Variants in GABBR1 observed in about 807,000 individuals in gnomAD.
GABBR1 encodes the protein gamma-aminobutyric acid type B receptor subunit 1, also known as GABA-B receptor, R1 subunit.
A neutral mutation model predicts 117.7 loss-of-function variants in GABBR1; 35 were observed. The ratio of observed to expected loss-of-function variants is 0.30; its 90% CI spans 0.23 to 0.39. The LOEUF is 0.39. GABBR1 is among the 10% of genes least tolerant of loss of function. GABBR1 has a pLI of 1.00. For synonymous variants in GABBR1, 442 were observed against 486.6 expected, an observed-to-expected ratio of 0.91 and a Z score of 1.21; for missense variants, 709 against 1,241.8, an observed-to-expected ratio of 0.57 and a Z score of 6.45.
Position 29,621,709 on chromosome 6 carries a change from A to C in GABBR1, c.1131+43T>G, listed in dbSNP as rs1369217424. The C allele has an allele frequency of 6.3e-7, 1 of 1,574,822 alleles. No homozygotes were observed. Among genetic ancestry groups the C allele is most frequent in the Non-Finnish European group, 8.7e-7 (1 of 1,144,788 alleles). Reference sequence around the variant, plus strand: ...GGAGGCCCCACAAGAAAACCAAGGGAAACTCCCACCCAGTGCCCCTCCCTC... The same window carrying C: ...GGAGGCCCCACAAGAAAACCAAGGGCAACTCCCACCCAGTGCCCCTCCCTC... On this transcript the variant is annotated intron_variant, in intron 10 of 22. Coordinates refer to ENST00000377034, the MANE Select transcript of GABBR1 (RefSeq NM_001470.4). The surrounding 1 kb of genome is among the most constrained non-coding windows in gnomAD (Gnocchi z 5.0).
Position 29,611,638 on chromosome 6 carries a change from G to A in GABBR1, c.1631-637C>T, listed in dbSNP as rs1477561523. ...GAGGAGCTGAAAGGATGTGGAGGTG[G>A]GGAGAAAGGAAGAAAGAAACTTTTC... is the stretch of plus-strand genomic sequence containing the variant. On this transcript the variant is annotated intron_variant, in intron 13 of 22. Transcript: ENST00000377034. The surrounding 1 kb of genome is among the most constrained non-coding windows in gnomAD (Gnocchi z 4.6). Among the ~76,000 whole-genome samples, 1 of 152,146 alleles carries A rather than the reference G, an allele frequency of 6.6e-6. No homozygotes were observed. The highest frequency in any genetic ancestry group is 1.5e-5 in the Non-Finnish European group (1 of 68,036).
intron 15 of GABBR1, among the ~76,000 whole-genome samples, 164 bp from the exon 16 acceptor site, chr6:29,608,897 A>C (rs1442232680): frequency 6.6e-6 from 1 of 152,206 alleles, no homozygotes; most frequent in Non-Finnish European, 1.5e-5. Flanking sequence ...AGGCAGAGCA[A>C]TGCAGTCATG....
Position 29,606,703 on chromosome 6 carries a change from A to C in GABBR1, c.2217+194T>G. 1.6e-6 allele frequency: 1 copy of C among 631,346 alleles called. No individual in the cohort carries two copies. Among genetic ancestry groups the C allele is most frequent in the South Asian group, 2.0e-5 (1 of 51,054 alleles). The allele number at this position is 631,346 out of a possible 1,614,324, so 39.1% of individuals were successfully genotyped here. On this transcript the variant is annotated intron_variant, in intron 18 of 22. Coordinates refer to ENST00000377034, the MANE Select transcript of GABBR1 (RefSeq NM_001470.4). The surrounding 1 kb of genome is among the most constrained non-coding windows in gnomAD (Gnocchi z 4.5). ...TTCTACACACCCTTCCCAGATTCCC[A>C]CCCCTTCCTTTCTTCAGCTGAATCT...
Position 29,605,045 on chromosome 6 carries a change from G to A in GABBR1, c.2440-57C>T, listed in dbSNP as rs532476879. 32 of 1,534,990 alleles carry A rather than the reference G, an allele frequency of 2.1e-5. No individual in the cohort carries two copies. The East Asian group carries it at 2.9e-4, about 14-fold the overall frequency. ...GGTCTGCAGGCTCAGACAAGATCCA[G>A]AGTTTACTTCCCATGGGAGGGAGTC... is the stretch of plus-strand genomic sequence containing the variant. On this transcript the variant is annotated intron_variant, in intron 20 of 22. Coordinates refer to ENST00000377034, the MANE Select transcript of GABBR1 (RefSeq NM_001470.4). This position sits in a 1 kb window ranked among gnomAD's most constrained non-coding sequence, Gnocchi z 4.2.
In GABBR1 at chr6:29,622,684, G is replaced by A. The variant is rs1011849165; in HGVS notation, c.964-479C>T. On this transcript the variant is annotated intron_variant, in intron 8 of 22. Coordinates refer to ENST00000377034, the MANE Select transcript of GABBR1 (RefSeq NM_001470.4). This position sits in a 1 kb window ranked among gnomAD's most constrained non-coding sequence, Gnocchi z 4.6. ...AAGACCCAAAGAATAGAATAAAAGG[G>A]AGGGAGCAGACTGCCTTCTTCAGAT... 2 of 164,874 alleles carry A rather than the reference G, an allele frequency of 1.2e-5. No homozygotes were observed. The highest frequency in any genetic ancestry group is 4.8e-5 in the African/African-American group (2 of 41,652). 10.2% of individuals were successfully genotyped at this position (164,874 alleles called of 1,614,324 possible).
At position 29,630,541 on chromosome 6, in the gene GABBR1, C is replaced by T. The variant is rs781124534; in HGVS notation, c.392G>A (p.Cys131Tyr). 1 of 1,613,116 alleles carries T rather than the reference C, an allele frequency of 6.2e-7. No homozygotes were observed. The highest frequency in any genetic ancestry group is 8.5e-7 in the Non-Finnish European group (1 of 1,180,044). The change falls in exon 4 of 23, where the codon TGT becomes TAT. Residue 131 changes from cysteine (C) to tyrosine (Y), a missense_variant. Physicochemically the swap from Cys to Tyr is radical, Grantham distance 194. Around this residue, in one of 9 missense-constraint regions of GABBR1, gnomAD observed 101 missense variants for 132.3 expected, o/e 0.76. Coordinates refer to ENST00000377034, the MANE Select transcript of GABBR1 (RefSeq NM_001470.4). The surrounding 1 kb of genome is among the most constrained non-coding windows in gnomAD (Gnocchi z 4.9). Reference protein sequence around the residue: ...ALDGARVDFRCDPDFHLVGSS... With the variant: ...ALDGARVDFRYDPDFHLVGSS... ...GCCCACCAGATGGAAGTCGGGGTCA[C>T]ACCGGAAATCCACCCGGGCTCCGTC...
At chr6:29,618,318 G>T (rs1327975492) in intron 11 of GABBR1, among the ~76,000 whole-genome samples, 2 of 152,260 alleles carry the variant, frequency 1.3e-5, no homozygotes, top group East Asian at 3.9e-4. Context: ...CTAACCACTG[G>T]GGGCACCACT....
intron 22 of GABBR1, 100 bp from the exon 23 acceptor site, chr6:29,603,816 G>T: frequency 1.1e-6 from 1 of 914,412 alleles, no homozygotes; most frequent in East Asian, 2.9e-5. Flanking sequence ...GAGAGGAAGG[G>T]CACAGAAAAA....
rs757961504 is a variant in GABBR1, at chr6:29,631,493, C to T, written c.192G>A (p.Glu64=). 21 of 1,614,226 alleles carry T rather than the reference C, an allele frequency of 1.3e-5. No homozygotes were observed. Among genetic ancestry groups the T allele is most frequent in the Admixed American group, 3.3e-5 (2 of 60,026 alleles). The change falls in exon 3 of 23, where the codon GAG becomes GAA. Residue 64 remains glutamate, a synonymous_variant. Coordinates refer to ENST00000377034, the MANE Select transcript of GABBR1 (RefSeq NM_001470.4). The surrounding 1 kb of genome is among the most constrained non-coding windows in gnomAD (Gnocchi z 5.9). ...INFLPVDYEI[E]YVCRGEREVV... ...CCTCGCGCTCCCCCCGGCACACATA[C>T]TCAATCTCATAGTCCACTGGCAGGA... is the stretch of plus-strand genomic sequence containing the variant.
chr6:29,627,465 C>T lies in GABBR1; in HGVS notation c.657+21G>A, dbSNP rs753515148. The stretch of plus-strand genomic sequence containing the variant: ...GCCCCGCAAGCCCCCACCTCCCACC[C>T]ACCCCCATGTCCAGGGCTACCTTGC... On this transcript the variant is annotated intron_variant, in intron 6 of 22. Transcript: ENST00000377034. The surrounding 1 kb of genome is among the most constrained non-coding windows in gnomAD (Gnocchi z 4.4). 1 of 1,546,982 alleles carries T rather than the reference C, an allele frequency of 6.5e-7. No individual in the cohort carries two copies. Among genetic ancestry groups the T allele is most frequent in the Non-Finnish European group, 8.8e-7 (1 of 1,140,380 alleles).
intron 6 of GABBR1, 83 bp from the exon 7 acceptor site, chr6:29,624,107 A>G: frequency 7.6e-7 from 1 of 1,309,552 alleles, no homozygotes; most frequent in East Asian, 2.5e-5. Flanking sequence ...TTCTCGAACA[A>G]ATTAGTTCCT....
At position 29,609,113 on chromosome 6, in the gene GABBR1, A is replaced by G; in HGVS notation, c.1859+116T>C. ...TTTTCATTCTCAACAAGTCAGAATG[A>G]AAAACTCCATGATACATGGCCATGG... On this transcript the variant is annotated intron_variant, in intron 15 of 22. Coordinates refer to ENST00000377034, the MANE Select transcript of GABBR1 (RefSeq NM_001470.4). This position sits in a 1 kb window ranked among gnomAD's most constrained non-coding sequence, Gnocchi z 4.3. 1 of 1,026,776 alleles carries G rather than the reference A, an allele frequency of 9.7e-7. No individual in the cohort carries two copies. Among genetic ancestry groups the G allele is most frequent in the Non-Finnish European group, 1.4e-6 (1 of 702,940 alleles). 63.6% of individuals were successfully genotyped at this position (1,026,776 alleles called of 1,614,324 possible). A position where few individuals can be genotyped will look rare whatever the true frequency, so the allele number is the denominator to read the frequency against.
At chr6:29,618,190 A>G (rs1244107235) in intron 11 of GABBR1, among the ~76,000 whole-genome samples, 4 of 152,164 alleles carry the variant, frequency 2.6e-5, no homozygotes, top group Non-Finnish European at 5.9e-5. Context: ...AGTTCAAGGT[A>G]AATATGGCAT....
chr6:29,606,810 C>T lies in GABBR1; in HGVS notation c.2217+87G>A. Reference sequence around the variant, plus strand: ...AGGCACTCTCTCCAAGTAGCTTCATCCCTCAAGACACACACAGCCCCAGGG... The same window carrying T: ...AGGCACTCTCTCCAAGTAGCTTCATTCCTCAAGACACACACAGCCCCAGGG... On this transcript the variant is annotated intron_variant, in intron 18 of 22. Coordinates refer to ENST00000377034, the MANE Select transcript of GABBR1 (RefSeq NM_001470.4). This position sits in a 1 kb window ranked among gnomAD's most constrained non-coding sequence, Gnocchi z 4.5. The T allele has an allele frequency of 1.8e-6, 2 of 1,084,834 alleles. No homozygotes were observed. The highest frequency in any genetic ancestry group is 2.8e-6 in the Non-Finnish European group (2 of 724,718). The allele number at this position is 1,084,834 out of a possible 1,614,324, so 67.2% of individuals were successfully genotyped here. A position where few individuals can be genotyped will look rare whatever the true frequency, so the allele number is the denominator to read the frequency against.
Position 29,627,681 on chromosome 6 carries a change from C to T in GABBR1, c.497-35G>A. 1 of 1,535,074 alleles carries T rather than the reference C, an allele frequency of 6.5e-7. No homozygotes were observed. Among genetic ancestry groups the T allele is most frequent in the Non-Finnish European group, 8.7e-7 (1 of 1,145,770 alleles). ...GGTGCGGGGGGACCCGCGAGTGAGG[C>T]CGCGGGAGATGGGGGGAGTGGGAGG... On this transcript the variant is annotated intron_variant, in intron 5 of 22. Coordinates refer to ENST00000377034, the MANE Select transcript of GABBR1 (RefSeq NM_001470.4). The surrounding 1 kb of genome is among the most constrained non-coding windows in gnomAD (Gnocchi z 4.4).
chr6:29,613,493 G>A lies in GABBR1; in HGVS notation c.1324-8C>T, dbSNP rs559182272. Reference sequence around the variant, plus strand: ...CACAAATTCCTGGGATGTCTTGGGAGGAAAAAATCATGAGGAAAGAACTGA... The same window carrying A: ...CACAAATTCCTGGGATGTCTTGGGAAGAAAAAATCATGAGGAAAGAACTGA... On this transcript the variant is annotated splice_polypyrimidine_tract_variant and splice_region_variant and intron_variant, in intron 11 of 22. Transcript: ENST00000377034. This position sits in a 1 kb window ranked among gnomAD's most constrained non-coding sequence, Gnocchi z 4.1. The A allele has an allele frequency of 1.1e-5, 17 of 1,610,176 alleles. No individual in the cohort carries two copies. In the East Asian group the frequency reaches 2.0e-4, roughly 19 times the overall value.
chr6:29,615,608 T>TAAAAAA lies in GABBR1; in HGVS notation c.1324-2124_1324-2123insTTTTTT, dbSNP rs767969781. ...TGGGCGATGGAGTGAGACTCTGCCT[T>TAAAAAA]TAAAAAAAAAAAAAAAAAAAGGCAG... On this transcript the variant is annotated intron_variant, in intron 11 of 22. Coordinates refer to ENST00000377034, the MANE Select transcript of GABBR1 (RefSeq NM_001470.4). Among the ~76,000 whole-genome samples, 933 of 126,950 alleles carry TAAAAAA rather than the reference T, an allele frequency of 7.3e-3. 25 individuals are homozygous for TAAAAAA. The highest frequency in any genetic ancestry group is 0.055 in the South Asian group (188 of 3,394). The allele number at this position is 126,950 out of a possible 152,430, so 83.3% of individuals were successfully genotyped here. A position where few individuals can be genotyped will look rare whatever the true frequency, so the allele number is the denominator to read the frequency against.
intron 5 of GABBR1, chr6:29,628,258 G>A (rs1373550185): frequency 2.2e-6 from 2 of 889,838 alleles, no homozygotes; most frequent in Non-Finnish European, 2.7e-6. Flanking sequence ...TCACTTAAGG[G>A]GACCCGAGGG....
At position 29,609,101 on chromosome 6, in the gene GABBR1, C is replaced by G. The variant is rs1165792490; in HGVS notation, c.1859+128G>C. 2 of 904,638 alleles carry G rather than the reference C, an allele frequency of 2.2e-6. No individual in the cohort carries two copies. The highest frequency in any genetic ancestry group is 3.3e-6 in the Non-Finnish European group (2 of 597,770). 56.0% of individuals were successfully genotyped at this position (904,638 alleles called of 1,614,324 possible). A position where few individuals can be genotyped will look rare whatever the true frequency, so the allele number is the denominator to read the frequency against. On this transcript the variant is annotated intron_variant, in intron 15 of 22. Transcript: ENST00000377034. This position sits in a 1 kb window ranked among gnomAD's most constrained non-coding sequence, Gnocchi z 4.3. ...CTGGTTTCCCTGTTTTCATTCTCAA[C>G]AAGTCAGAATGAAAAACTCCATGAT...
Sources: gnomAD v4.1 joint callset for allele counts (sites outside exome capture counted in the v4.1 genomes callset) on GRCh38, gnomAD v4.1.1 for gene constraint, gnomAD v4.1.1 regional missense constraint, Gnocchi (gnomAD v3.1) non-coding constraint, MANE v1.5 for transcripts, NCBI Gene and HGNC (gene_info 2026-07-23, HGNC 2026-07-21) for gene names.